Variants in TMEM170B observed in about 807,000 individuals in gnomAD.
TMEM170B encodes the protein transmembrane protein 170B.
In TMEM170B, 6 loss-of-function variants were observed where a neutral mutation model predicts 13.0. The ratio of observed to expected loss-of-function variants is 0.46; its 90% CI spans 0.25 to 0.91. The LOEUF is 0.91. TMEM170B is among the 40% of genes least tolerant of loss of function. The pLI is 0.17. For missense variants in TMEM170B, 138 were observed against 165.2 expected, an observed-to-expected ratio of 0.84 and a Z score of 0.90; for synonymous variants, 61 against 64.9, an observed-to-expected ratio of 0.94 and a Z score of 0.29.
At chr6:11,550,420 G>C (rs1486580282) in intron 1 of TMEM170B, among the ~76,000 whole-genome samples, 1 of 151,594 alleles carries the variant, frequency 6.6e-6, no homozygotes, top group Non-Finnish European at 1.5e-5. Context: ...TGATCCACCC[G>C]CCTCAGCCTC....
intron 1 of TMEM170B, among the ~76,000 whole-genome samples, chr6:11,564,308 C>T (rs1759707767): frequency 6.6e-6 from 1 of 152,194 alleles, no homozygotes; most frequent in Non-Finnish European, 1.5e-5. Context: ...GAGGAGCCTC[C>T]ATACTATTTT....
At chr6:11,552,537 C>A (rs1030585792) in intron 1 of TMEM170B, among the ~76,000 whole-genome samples, 4 of 152,154 alleles carry the variant, frequency 2.6e-5, no homozygotes, top group Non-Finnish European at 5.9e-5. Flanking sequence ...CTGCCATGTG[C>A]ATGTGCAGAA....
At chr6:11,563,297 C>T (rs566328002) in intron 1 of TMEM170B, among the ~76,000 whole-genome samples, 2 of 152,224 alleles carry the variant, frequency 1.3e-5, no homozygotes, top group Admixed American at 6.5e-5. Context: ...GGTTACTCCA[C>T]ACCAGGCCCC....
In TMEM170B at chr6:11,576,851, TC is replaced by T. The variant is rs2113787127; in HGVS notation, c.*1291del. ...TTATGATTTAAGTTTAGTAGAAGAA[TC>T]TGTGAGGGCATATAGCAAAAGTGGA... On this transcript the variant is annotated 3_prime_UTR_variant, in exon 3 of 3. Coordinates refer to ENST00000379426, the MANE Select transcript of TMEM170B (RefSeq NM_001100829.3). 6.6e-6 allele frequency: 1 copy of T among 152,210 alleles called. No individual in the cohort carries two copies. The highest frequency in any genetic ancestry group is 2.1e-4 in the South Asian group (1 of 4,824). The allele number at this position is 152,210 out of a possible 1,614,324, so 9.4% of individuals were successfully genotyped here.
At chr6:11,542,776 A>G (rs1178111219) in intron 1 of TMEM170B, among the ~76,000 whole-genome samples, 5 of 152,178 alleles carry the variant, frequency 3.3e-5, no homozygotes, top group African/African-American at 1.2e-4. Flanking sequence ...CTACAGTGCC[A>G]TTTACAACTT....
intron 2 of TMEM170B, among the ~76,000 whole-genome samples, chr6:11,569,626 T>C (rs777667125): frequency 4.6e-5 from 7 of 152,184 alleles, no homozygotes; most frequent in Admixed American, 1.3e-4. Flanking sequence ...GTTATTTCTA[T>C]TTACAACAGA....
chr6:11,565,765 AG>A lies in TMEM170B; in HGVS notation c.200del (p.Gly67GlufsTer17). ...LMFVMLQRHR[Q>X]GRVISVIAVS... ...TTTGTGATGCTGCAGAGGCATAGGC[AG>A]GGAAGAGTCATCTCTGTCATTGCAG... is the stretch of plus-strand genomic sequence containing the variant. On this transcript the variant is annotated frameshift_variant, in exon 2 of 3. Coordinates refer to ENST00000379426, the MANE Select transcript of TMEM170B (RefSeq NM_001100829.3). LOFTEE classifies it high-confidence loss of function. The A allele has an allele frequency of 6.2e-7, 1 of 1,614,202 alleles. No individual in the cohort carries two copies.
chr6:11,575,625 A>G lies in TMEM170B; in HGVS notation c.*64A>G. ...GATGTACAGATTCCCTGAAAACGGC[A>G]TTGTTAACAAGTGGAAATGAAATTG... On this transcript the variant is annotated 3_prime_UTR_variant, in exon 3 of 3. Transcript: ENST00000379426. This position sits in a 1 kb window ranked among gnomAD's most constrained non-coding sequence, Gnocchi z 4.1. The G allele has an allele frequency of 1.3e-6, 2 of 1,582,388 alleles. No homozygotes were observed. The highest frequency in any genetic ancestry group is 1.7e-6 in the Non-Finnish European group (2 of 1,155,418).
At position 11,545,593 on chromosome 6, in the gene TMEM170B, G is replaced by GACCTACTGT. The variant is rs1199202590; in HGVS notation, c.97+7222_97+7230dup. ...GTTTATGGTGATGCTGGTGTCAACA[G>GACCTACTGT]ACCTACTGTACTGCCTGTTGTATAA... On this transcript the variant is annotated intron_variant, in intron 1 of 2. Coordinates refer to ENST00000379426, the MANE Select transcript of TMEM170B (RefSeq NM_001100829.3). Among the ~76,000 whole-genome samples, 8 of 152,206 alleles carry GACCTACTGT rather than the reference G, an allele frequency of 5.3e-5. No homozygotes were observed. In the East Asian group the frequency reaches 1.4e-3, roughly 26 times the overall value.
rs976265932 is a variant in TMEM170B at position 11,537,825 on chromosome 6, C to A, written c.-453C>A. ...CAGCCTCTGGCTGGTCCCGCGTCTC[C>A]GTCCTCCGGCGGCGATGAGCTGGGC... On this transcript the variant is annotated 5_prime_UTR_variant, in exon 1 of 3. Coordinates refer to ENST00000379426, the MANE Select transcript of TMEM170B (RefSeq NM_001100829.3). Among the ~76,000 whole-genome samples, 6 of 151,710 alleles carry A rather than the reference C, an allele frequency of 4.0e-5. No individual in the cohort carries two copies. Among genetic ancestry groups the A allele is most frequent in the African/African-American group, 1.5e-4 (6 of 41,372 alleles).
At position 11,549,763 on chromosome 6, in the gene TMEM170B, C is replaced by T. The variant is rs985808515; in HGVS notation, c.97+11389C>T. On this transcript the variant is annotated intron_variant, in intron 1 of 2. Coordinates refer to ENST00000379426, the MANE Select transcript of TMEM170B (RefSeq NM_001100829.3). ...CATTGAAAGAAAAAGATTTTTTTCA[C>T]CAAACTTTATGCAAATAGGAAGAAC... 1.3e-3 allele frequency among the ~76,000 whole-genome samples: 197 copies of T among 151,682 alleles called. 19 individuals are homozygous for T. The highest frequency in any genetic ancestry group is 5.9e-5 in the Non-Finnish European group (4 of 67,910).
Position 11,565,651 on chromosome 6 carries a change from T to C in TMEM170B, c.98-15T>C. The C allele has an allele frequency of 1.2e-6, 2 of 1,613,730 alleles. No individual in the cohort carries two copies. Among genetic ancestry groups the C allele is most frequent in the Non-Finnish European group, 8.5e-7 (1 of 1,179,704 alleles). ...GTGTTTCAACAGATGATTAATACTT[T>C]GCTTTTCCTTTCAGAGATGTGGTAC... On this transcript the variant is annotated splice_polypyrimidine_tract_variant and intron_variant, in intron 1 of 2. Coordinates refer to ENST00000379426, the MANE Select transcript of TMEM170B (RefSeq NM_001100829.3).
chr6:11,577,683 T>C lies in TMEM170B; in HGVS notation c.*2122T>C, dbSNP rs1016593147. ...TGGATACATTAAATGTACTAATGTGTGGACCAAAGAGATTTAAACTATTGT... is the reference window on the plus strand; with the variant it reads ...TGGATACATTAAATGTACTAATGTGCGGACCAAAGAGATTTAAACTATTGT... On this transcript the variant is annotated 3_prime_UTR_variant, in exon 3 of 3. Transcript: ENST00000379426. 4.6e-5 allele frequency: 7 copies of C among 152,108 alleles called. No homozygotes were observed. In the East Asian group the frequency reaches 5.8e-4, roughly 13 times the overall value. The allele number at this position is 152,108 out of a possible 1,614,324, so 9.4% of individuals were successfully genotyped here.
intron 2 of TMEM170B, among the ~76,000 whole-genome samples, chr6:11,571,186 T>C (rs1367597586): frequency 6.6e-6 from 1 of 151,942 alleles, no homozygotes; most frequent in Non-Finnish European, 1.5e-5. Flanking sequence ...TTTTTTTTTT[T>C]TTTCTTTTTC....
intron 1 of TMEM170B, among the ~76,000 whole-genome samples, chr6:11,552,719 T>C (rs1759541255): frequency 6.6e-6 from 1 of 152,218 alleles, no homozygotes; most frequent in South Asian, 2.1e-4. Context: ...ATATATTCTC[T>C]GTTTACTTTG....
chr6:11,540,454 A>G (rs1428048834), intron 1 of TMEM170B, among the ~76,000 whole-genome samples: 8 of 152,224 alleles, frequency 5.3e-5, no homozygotes, highest in African/African-American at 1.9e-4. Flanking sequence ...TTGCTCATCC[A>G]TAAGAAGCAA....
chr6:11,556,342 T>G (rs1759586678), intron 1 of TMEM170B, among the ~76,000 whole-genome samples: 1 of 152,210 alleles, frequency 6.6e-6, no homozygotes, highest in South Asian at 2.1e-4. Flanking sequence ...AAGGTTGCTG[T>G]TGTTGCCTTG....
At chr6:11,549,452 A>G (rs1759489289) in intron 1 of TMEM170B, among the ~76,000 whole-genome samples, 1 of 152,178 alleles carries the variant, frequency 6.6e-6, no homozygotes. Context: ...TCACGAGGTC[A>G]GGAGATCGAG....
At chr6:11,570,613 T>C (rs1171249441) in intron 2 of TMEM170B, among the ~76,000 whole-genome samples, 1 of 152,180 alleles carries the variant, frequency 6.6e-6, no homozygotes, top group Non-Finnish European at 1.5e-5. Flanking sequence ...TTAAAAACCC[T>C]TCTTCCAAAA....
Sources: gnomAD v4.1 joint callset for allele counts (sites outside exome capture counted in the v4.1 genomes callset) on GRCh38, gnomAD v4.1.1 for gene constraint, Gnocchi (gnomAD v3.1) non-coding constraint, MANE v1.5 for transcripts, NCBI Gene and HGNC (gene_info 2026-07-23, HGNC 2026-07-21) for gene names.